NMUR1: variants seen among roughly 807,000 people sequenced by gnomAD.
NMUR1 encodes neuromedin U receptor 1.
NMUR1 carries 16 observed loss-of-function variants against 18.8 expected under a neutral mutation model. The ratio of observed to expected loss-of-function variants is 0.85; its 90% CI spans 0.58 to 1.29. The LOEUF (loss-of-function observed/expected upper bound fraction) is 1.29. NMUR1 is among the 50% of genes most tolerant of loss of function. The pLI is 0.00. For synonymous variants in NMUR1, 258 were observed against 258.2 expected, an observed-to-expected ratio of 1.00 and a Z score of 0.01; for missense variants, 529 against 580.3, an observed-to-expected ratio of 0.91 and a Z score of 0.91.
intron 2 of NMUR1, among the ~76,000 whole-genome samples, chr2:231,526,964 C>T (rs965340020): frequency 6.6e-6 from 1 of 152,180 alleles, no homozygotes; most frequent in Non-Finnish European, 1.5e-5. Context: ...GGCCTGATCC[C>T]CTGTGCCTTG....
In NMUR1 at chr2:231,525,004, C is replaced by G; in HGVS notation, c.*39G>C. 1 of 1,517,222 alleles carries G rather than the reference C, an allele frequency of 6.6e-7. No individual in the cohort carries two copies. Among genetic ancestry groups the G allele is most frequent in the Non-Finnish European group, 8.8e-7 (1 of 1,138,160 alleles). The allele number at this position is 1,517,222 out of a possible 1,614,324, so 94.0% of individuals were successfully genotyped here. On this transcript the variant is annotated 3_prime_UTR_variant, in exon 3 of 3. Coordinates refer to ENST00000305141, the MANE Select transcript of NMUR1 (RefSeq NM_006056.5). ...ATGTGTCTCCCCAGCTCCAGGTGAC[C>G]CTCTGGCCCCTCCAGGTGAAGCCAC...
At position 231,528,438 on chromosome 2, in the gene NMUR1, G is replaced by T. The variant is rs374646504; in HGVS notation, c.583C>A (p.Pro195Thr). Reference protein sequence around the residue: ...VWGLAMLCSLPNTSLHGIRQL... With the variant: ...VWGLAMLCSLTNTSLHGIRQL... Reference sequence around the variant, plus strand: ...CGGATGCCGTGCAGGCTGGTGTTGGGCAGGGAGCAGAGCATGGCAAGACCC... The same window carrying T: ...CGGATGCCGTGCAGGCTGGTGTTGGTCAGGGAGCAGAGCATGGCAAGACCC... The change falls in exon 2 of 3, where the codon CCC becomes ACC. Residue 195 changes from proline (P) to threonine (T), a missense_variant. Transcript: ENST00000305141. The T allele has an allele frequency of 5.0e-6, 8 of 1,613,668 alleles. No individual in the cohort carries two copies. The highest frequency in any genetic ancestry group is 6.8e-6 in the Non-Finnish European group (8 of 1,180,008).
chr2:231,525,113 A>G lies in NMUR1; in HGVS notation c.1211T>C (p.Leu404Pro), dbSNP rs765409433. Residue 404 changes from leucine (L) to proline (P), a missense_variant, in exon 3 of 3, where the codon CTG (leucine) becomes CCG (proline). Transcript: ENST00000305141. Reference sequence around the variant, plus strand: ...AGCCAGGGGGTGGACCCAGCTGCCCAGGGAGCCCACATCACACAGGGTGCT... The same window carrying G: ...AGCCAGGGGGTGGACCCAGCTGCCCGGGGAGCCCACATCACACAGGGTGCT... ...TGSTLCDVGS[L>P]GSWVHPLAGN... is the part of the protein sequence containing the mutation. 4 of 1,613,022 alleles carry G rather than the reference A, an allele frequency of 2.5e-6. No individual in the cohort carries two copies. Among genetic ancestry groups the G allele is most frequent in the Non-Finnish European group, 8.5e-7 (1 of 1,179,394 alleles).
rs762055740 is a variant in NMUR1, at chr2:231,523,408, C to T, written c.*1635G>A. ...ACTCTTCACCCATTAAAGAACTCCT[C>T]ACTTGCCCTTCCCCCATTCCCTGGC... On this transcript the variant is annotated 3_prime_UTR_variant, in exon 3 of 3. Coordinates refer to ENST00000305141, the MANE Select transcript of NMUR1 (RefSeq NM_006056.5). The T allele has an allele frequency of 2.7e-5, 9 of 328,512 alleles. No homozygotes were observed. The highest frequency in any genetic ancestry group is 5.6e-5 in the Admixed American group (1 of 17,874). The allele number at this position is 328,512 out of a possible 1,614,324, so 20.3% of individuals were successfully genotyped here.
downstream of NMUR1, among the ~76,000 whole-genome samples, chr2:231,519,438 G>A (rs1031550396): frequency 6.6e-6 from 1 of 152,220 alleles, no homozygotes; most frequent in African/African-American, 2.4e-5. Flanking sequence ...GCCACAGAAA[G>A]AACATTTACT....
rs746505696 is a variant in NMUR1 at position 231,528,313 on chromosome 2, C to T, written c.708G>A (p.Ala236=). The T allele has an allele frequency of 1.2e-5, 20 of 1,612,802 alleles. No individual in the cohort carries two copies. In the South Asian group the frequency reaches 1.5e-4, roughly 12 times the overall value. Residue 236 remains alanine (A), a synonymous_variant, in exon 2 of 3, where the codon GCG becomes GCA. Transcript: ENST00000305141. ...ALYNMVVQTT[A]LLFFCLPMAI... Reference sequence around the variant, plus strand: ...CCATGGGCAGGCAGAAGAAGAGCAGCGCGGTGGTCTGCACTACCATGTTGT... The same window carrying T: ...CCATGGGCAGGCAGAAGAAGAGCAGTGCGGTGGTCTGCACTACCATGTTGT...
In NMUR1 at chr2:231,524,396, T is replaced by C. The variant is rs35412244; in HGVS notation, c.*647A>G. ...GGTGAAACCCCGTCTCTACTAAAAA[T>C]TAAAAAAAATTAGCTGGGCATGCTG... On this transcript the variant is annotated 3_prime_UTR_variant, in exon 3 of 3. Coordinates refer to ENST00000305141, the MANE Select transcript of NMUR1 (RefSeq NM_006056.5). 0.075 allele frequency: 11,429 copies of C among 151,966 alleles called. 580 individuals are homozygous for C. Among genetic ancestry groups the C allele is most frequent in the Middle Eastern group, 0.13 (37 of 294 alleles). 9.4% of individuals were successfully genotyped at this position (151,966 alleles called of 1,614,324 possible).
downstream of NMUR1, among the ~76,000 whole-genome samples, chr2:231,518,747 G>A (rs2047285564): frequency 6.6e-6 from 1 of 152,214 alleles, no homozygotes; most frequent in African/African-American, 2.4e-5. Flanking sequence ...CAAGTTCCAG[G>A]AAGGGTGGCC....
At chr2:231,521,401 CAT>C (rs2047302823), downstream of NMUR1, among the ~76,000 whole-genome samples, 1 of 152,112 alleles carries the variant, frequency 6.6e-6, no homozygotes, top group Non-Finnish European at 1.5e-5. Context: ...ATAAATGTGT[CAT>C]AGGAGCAGAG....
At position 231,528,699 on chromosome 2, in the gene NMUR1, GCAGGT is replaced by G. The variant is rs1392801938; in HGVS notation, c.317_321del (p.Asp106AlafsTer13). On this transcript the variant is annotated frameshift_variant, in exon 2 of 3. Transcript: ENST00000305141. LOFTEE classifies it high-confidence loss of function. ...AGGGGCAGGCCCACCAGCAGCACCA[GCAGGT>G]CCGACACGGCCAGGCTGAAGAGGTA... 4.3e-6 allele frequency: 7 copies of G among 1,614,252 alleles called. No individual in the cohort carries two copies. Among genetic ancestry groups the G allele is most frequent in the Non-Finnish European group, 5.9e-6 (7 of 1,180,040 alleles).
intron 2 of NMUR1, among the ~76,000 whole-genome samples, chr2:231,526,836 T>G (rs994157518): frequency 6.6e-6 from 1 of 151,946 alleles, no homozygotes; most frequent in African/African-American, 2.4e-5. Flanking sequence ...TTGATCGGCT[T>G]AGTATCAGTT....
chr2:231,528,068 C>T lies in NMUR1; in HGVS notation c.898+55G>A. On this transcript the variant is annotated intron_variant, in intron 2 of 2. Coordinates refer to ENST00000305141, the MANE Select transcript of NMUR1 (RefSeq NM_006056.5). ...GCCCCTTCTCCCAGGCCCCAGGAGCCCCAAACTCATACCCAGTGCCTGGCT... is the reference window on the plus strand; with the variant it reads ...GCCCCTTCTCCCAGGCCCCAGGAGCTCCAAACTCATACCCAGTGCCTGGCT... The T allele has an allele frequency of 3.3e-6, 5 of 1,503,660 alleles. No homozygotes were observed. In the South Asian group the frequency reaches 5.3e-5, roughly 16 times the overall value. 93.1% of individuals were successfully genotyped at this position (1,503,660 alleles called of 1,614,324 possible).
chr2:231,520,095 T>C (rs1409022432), downstream of NMUR1, among the ~76,000 whole-genome samples: 1 of 152,222 alleles, frequency 6.6e-6, no homozygotes, highest in Non-Finnish European at 1.5e-5. Flanking sequence ...AAATCAATAA[T>C]ATTTGCTAAT....
chr2:231,518,461 C>T (rs1244854142), downstream of NMUR1, among the ~76,000 whole-genome samples: 2 of 152,222 alleles, frequency 1.3e-5, no homozygotes, highest in Non-Finnish European at 2.9e-5. Context: ...ATCCGCCTGC[C>T]TCAGCCTCCC....
At chr2:231,529,146 A>C in intron 1 of NMUR1, 129 bp from the exon 2 acceptor site, 1 of 903,466 alleles carries the variant, frequency 1.1e-6, no homozygotes. Flanking sequence ...GAGAAAGAAA[A>C]AACTCTTCCA....
downstream of NMUR1, among the ~76,000 whole-genome samples, chr2:231,519,988 T>C (rs1482247787): frequency 1.3e-5 from 2 of 152,164 alleles, no homozygotes; most frequent in Non-Finnish European, 2.9e-5. Flanking sequence ...GTTTCTAGGA[T>C]CAAATTCTGA....
At chr2:231,527,637 C>CAAAAAA (rs10522812) in intron 2 of NMUR1, among the ~76,000 whole-genome samples, 6 of 99,978 alleles carry the variant, frequency 6.0e-5, no homozygotes, top group South Asian at 2.7e-4. Flanking sequence ...GACCCTGTCT[C>CAAAAAA]AAAAAAAAAA....
intron 1 of NMUR1, 140 bp downstream of exon 1, chr2:231,530,219 G>T: frequency 9.4e-7 from 1 of 1,059,552 alleles, no homozygotes; most frequent in Non-Finnish European, 1.3e-6. Flanking sequence ...GACCCGAGAA[G>T]TTGCGAGGCT....
rs528529687 is a variant in NMUR1 at position 231,525,108 on chromosome 2, T to C, written c.1216A>G (p.Ser406Gly). Residue 406 changes from serine (S) to glycine (G), a missense_variant, in exon 3 of 3, where the codon AGC becomes GGC. By Grantham distance (56) the Ser-to-Gly change is moderately conservative. Transcript: ENST00000305141. ...STLCDVGSLG[S>G]WVHPLAGNDG... Reference sequence around the variant, plus strand: ...TTCCCAGCCAGGGGGTGGACCCAGCTGCCCAGGGAGCCCACATCACACAGG... The same window carrying C: ...TTCCCAGCCAGGGGGTGGACCCAGCCGCCCAGGGAGCCCACATCACACAGG... The C allele has an allele frequency of 6.2e-7, 1 of 1,612,468 alleles. No homozygotes were observed. Among genetic ancestry groups the C allele is most frequent in the East Asian group, 2.2e-5 (1 of 44,866 alleles).
Sources: gnomAD v4.1 joint callset for allele counts (sites outside exome capture counted in the v4.1 genomes callset) on GRCh38, gnomAD v4.1.1 for gene constraint, MANE v1.5 for transcripts, NCBI Gene and HGNC (gene_info 2026-07-23, HGNC 2026-07-21) for gene names.